Variants in ANKRD11 observed in about 807,000 individuals in gnomAD.
The protein encoded by ANKRD11 is ankyrin repeat domain-containing protein 11.
A neutral mutation model predicts 195.7 loss-of-function variants in ANKRD11; 17 were observed. The observed-to-expected ratio is 0.09, with a 90% CI of 0.06 to 0.13. The LOEUF is 0.13. Among genes scored for constraint, ANKRD11 ranks in the 10% least tolerant of loss-of-function variants. The pLI is 1.00. For missense variants in ANKRD11, 3,735 were observed against 3,566.1 expected (o/e 1.05, Z -1.21); for synonymous variants, 1,953 against 1,528.1 (o/e 1.28, Z -6.49).
chr16:89,321,726 G>A (rs763774344), intron 2 of ANKRD11, among the ~76,000 whole-genome samples: 2 of 152,124 alleles, frequency 1.3e-5, no homozygotes, highest in African/African-American at 2.4e-5. Context: ...CTTCTTTGGG[G>A]TTGAAATTCA....
chr16:89,371,110 C>T (rs2040173617), intron 2 of ANKRD11, among the ~76,000 whole-genome samples: 2 of 152,230 alleles, frequency 1.3e-5, no homozygotes, highest in South Asian at 4.1e-4. Context: ...TGAAAACCGC[C>T]GAGGGGGAAG....
At chr16:89,330,306 T>C (rs2037979054) in intron 2 of ANKRD11, among the ~76,000 whole-genome samples, 2 of 151,980 alleles carry the variant, frequency 1.3e-5, no homozygotes, top group South Asian at 4.2e-4. Flanking sequence ...ACGCAGCTTC[T>C]GGGTGGGTGG....
chr16:89,382,433 C>T (rs1443349564), intron 2 of ANKRD11, among the ~76,000 whole-genome samples: 1 of 152,080 alleles, frequency 6.6e-6, no homozygotes, highest in Non-Finnish European at 1.5e-5. Context: ...TCAAGCAATT[C>T]TCCTGCCTCG....
chr16:89,287,777 T>G (rs985083200), intron 7 of ANKRD11: 1 of 184,994 alleles, frequency 5.4e-6, no homozygotes, highest in African/African-American at 2.4e-5. Context: ...GTTTCTCAAG[T>G]GAGCTCTTTA....
chr16:89,344,050 C>A (rs1047972364), intron 2 of ANKRD11, among the ~76,000 whole-genome samples: 6 of 152,182 alleles, frequency 3.9e-5, no homozygotes, highest in African/African-American at 1.4e-4. Context: ...CCCGGCCCCG[C>A]CCCTCCTGCT....
At chr16:89,429,051 C>A (rs2042854063) in intron 1 of ANKRD11, among the ~76,000 whole-genome samples, 1 of 152,198 alleles carries the variant, frequency 6.6e-6, no homozygotes, top group South Asian at 2.1e-4. Flanking sequence ...AGGGACTACA[C>A]AGCTTCTGAG....
In ANKRD11 at chr16:89,282,392, C is replaced by T. The variant is rs776994699; in HGVS notation, c.4150G>A (p.Gly1384Ser). The T allele has an allele frequency of 8.7e-6, 14 of 1,614,162 alleles. No homozygotes were observed. The highest frequency in any genetic ancestry group is 2.2e-5 in the East Asian group (1 of 44,882). Reference protein sequence around the residue: ...KEKGEDYKEGGSRKDSGQYEK... With the variant: ...KEKGEDYKEGSSRKDSGQYEK... The stretch of plus-strand genomic sequence containing the variant: ...TACTGGCCGGAGTCCTTCCTGCTAC[C>T]GCCCTCCTTGTAATCTTCGCCCTTC... The change falls in exon 9 of 13, where the codon GGT becomes AGT. Residue 1384 changes from glycine (G) to serine (S), a missense_variant. Transcript: ENST00000301030.
At chr16:89,308,795 C>T (rs1044288665) in intron 3 of ANKRD11, among the ~76,000 whole-genome samples, 67 of 152,318 alleles carry the variant, frequency 4.4e-4, no homozygotes, top group Non-Finnish European at 8.8e-5. Context: ...AGGGGGTGCG[C>T]GCCGTGAGAA....
intron 2 of ANKRD11, among the ~76,000 whole-genome samples, chr16:89,372,158 G>A (rs1220791992): frequency 6.6e-6 from 1 of 152,242 alleles, no homozygotes; most frequent in African/African-American, 2.4e-5. Context: ...TGGGAAGAAG[G>A]ACCGGCGCCC....
chr16:89,313,655 A>G, intron 3 of ANKRD11: 3 of 1,249,438 alleles, frequency 2.4e-6, no homozygotes, highest in East Asian at 5.6e-5. Flanking sequence ...ATGGTAGAAG[A>G]CTGAGCAGAA....
At chr16:89,362,302 C>T (rs1416588413) in intron 2 of ANKRD11, among the ~76,000 whole-genome samples, 1 of 152,216 alleles carries the variant, frequency 6.6e-6, no homozygotes, top group Non-Finnish European at 1.5e-5. Context: ...AAGAGTGCTC[C>T]TCTGTCTGCC....
intron 2 of ANKRD11, among the ~76,000 whole-genome samples, chr16:89,410,533 G>A (rs564087506): frequency 6.6e-6 from 1 of 152,172 alleles, no homozygotes; most frequent in East Asian, 1.9e-4. Context: ...CCTGCCCCCG[G>A]GCTACAAAGG....
chr16:89,367,221 C>T (rs927696069), intron 2 of ANKRD11, among the ~76,000 whole-genome samples: 2 of 152,234 alleles, frequency 1.3e-5, no homozygotes, highest in Non-Finnish European at 2.9e-5. Flanking sequence ...CACAACAGTC[C>T]ACTCCACGTG....
At chr16:89,415,659 C>G (rs1161588779) in intron 2 of ANKRD11, among the ~76,000 whole-genome samples, 1 of 151,004 alleles carries the variant, frequency 6.6e-6, no homozygotes, top group Non-Finnish European at 1.5e-5. Context: ...GAAACCCTAT[C>G]TCTACTAAAA....
At position 89,289,398 on chromosome 16, in the gene ANKRD11, C is replaced by T. The variant is rs2034876615; in HGVS notation, c.602-728G>A. 2.0e-5 allele frequency among the ~76,000 whole-genome samples: 3 copies of T among 152,226 alleles called. 1 individual carries two copies. The South Asian group carries it at 6.2e-4, about 31-fold the overall frequency. On this transcript the variant is annotated intron_variant, in intron 6 of 12. Coordinates refer to ENST00000301030, the MANE Select transcript of ANKRD11 (RefSeq NM_013275.6). ...ATTTTGCTCATCTGTTCCCCTTACA[C>T]TGTGGACAGACAGTCCTGGGATATG...
At chr16:89,466,703 G>C (rs1209881344) in intron 1 of ANKRD11, among the ~76,000 whole-genome samples, 1 of 152,196 alleles carries the variant, frequency 6.6e-6, no homozygotes, top group Non-Finnish European at 1.5e-5. Flanking sequence ...AAAATTAGTA[G>C]ACAAAGACAT....
At chr16:89,318,034 C>T (rs1016034178) in intron 2 of ANKRD11, among the ~76,000 whole-genome samples, 1 of 152,212 alleles carries the variant, frequency 6.6e-6, no homozygotes, top group African/African-American at 2.4e-5. Flanking sequence ...TGCTCTGCCC[C>T]GTCCCTCTCT....
chr16:89,440,841 G>A (rs2043421171), intron 1 of ANKRD11, among the ~76,000 whole-genome samples: 1 of 152,240 alleles, frequency 6.6e-6, no homozygotes, highest in South Asian at 2.1e-4. Context: ...AGGAACATCT[G>A]TGGCTGTGTG....
chr16:89,290,976 T>G, intron 5 of ANKRD11, 37 bp downstream of exon 5: 1 of 1,610,294 alleles, frequency 6.2e-7, no homozygotes, highest in Admixed American at 1.7e-5. Flanking sequence ...GCAGAGCCCC[T>G]TCCCTGCGCC....
Sources: allele counts gnomAD v4.1 joint callset (sites outside exome capture counted in the v4.1 genomes callset), GRCh38; gene constraint gnomAD v4.1.1; transcripts MANE v1.5; gene names NCBI Gene and HGNC (gene_info 2026-07-23, HGNC 2026-07-21).